CFAP92: variants seen among roughly 807,000 people sequenced by gnomAD.
The protein encoded by CFAP92 is uncharacterized protein CFAP92.
Under a neutral mutation model 106.3 loss-of-function variants are expected in CFAP92, and 86 were observed. The ratio of observed to expected loss-of-function variants is 0.81; its 90% confidence interval spans 0.68 to 0.97. The LOEUF (loss-of-function observed/expected upper bound fraction) is 0.97. CFAP92 is among the 50% of genes least tolerant of loss of function. The pLI, the probability that CFAP92 is intolerant of heterozygous loss-of-function variation, is 0.00. For missense variants in CFAP92, 1,204 were observed against 1,283.8 expected (o/e 0.94, Z 0.95); for synonymous variants, 477 against 506.4 (o/e 0.94, Z 0.78).
intron 9 of CFAP92, among the ~76,000 whole-genome samples, chr3:128,957,881 C>T (rs1941567570): frequency 6.6e-6 from 1 of 152,120 alleles, no homozygotes; most frequent in Non-Finnish European, 1.5e-5. Flanking sequence ...TGTTCTGAGG[C>T]TAGAAGTCAG....
upstream of CFAP92, chr3:129,003,160 G>A (rs917530842): frequency 4.4e-6 from 4 of 916,422 alleles, no homozygotes; most frequent in Non-Finnish European, 5.2e-6. Flanking sequence ...GCAAGGTGTG[G>A]TTTTCAGTGT....
chr3:128,956,452 T>C (rs956830547), intron 9 of CFAP92, among the ~76,000 whole-genome samples: 3 of 151,992 alleles, frequency 2.0e-5, no homozygotes, highest in Non-Finnish European at 4.4e-5. Flanking sequence ...CATAAGCCTA[T>C]AGATTCAAAG....
At chr3:128,912,836 G>T (rs1441341437) in intron 15 of CFAP92, 9 of 689,820 alleles carry the variant, frequency 1.3e-5, no homozygotes, top group South Asian at 1.2e-4. Context: ...GCCGGAGAGA[G>T]AGAATGGAAT....
the CFAP92 span, among the ~76,000 whole-genome samples, chr3:129,008,311 T>C: frequency 2.6e-4 from 39 of 152,202 alleles, no homozygotes; most frequent in Non-Finnish European, 4.9e-4. Flanking sequence ...CTATGCAAGG[T>C]CTCCTGTCCC....
At chr3:128,975,675 T>C (rs1943108016) in intron 7 of CFAP92, 104 bp downstream of exon 7, 1 of 1,013,796 alleles carries the variant, frequency 9.9e-7, no homozygotes, top group Non-Finnish European at 1.4e-6. Flanking sequence ...AAACATTTTG[T>C]CAAATATGCA....
At chr3:128,977,104 C>T in intron 5 of CFAP92, 38 bp from the exon 6 acceptor site, 1 of 1,546,216 alleles carries the variant, frequency 6.5e-7, no homozygotes, top group Non-Finnish European at 8.9e-7. Flanking sequence ...CTTTTTGTTA[C>T]ATGCTAGTTC....
chr3:128,989,974 A>G (rs769402633), intron 2 of CFAP92, among the ~76,000 whole-genome samples: 60 of 152,202 alleles, frequency 3.9e-4, no homozygotes, highest in Non-Finnish European at 7.3e-4. Flanking sequence ...TCTATCAAAA[A>G]CTATTAATAC....
chr3:128,982,340 G>T (rs1238356957), intron 4 of CFAP92, among the ~76,000 whole-genome samples: 1 of 152,210 alleles, frequency 6.6e-6, no homozygotes, highest in Admixed American at 6.5e-5. Flanking sequence ...TAGCTTCAAA[G>T]TTGTCTTTTG....
upstream of CFAP92, among the ~76,000 whole-genome samples, chr3:129,007,655 T>A (rs373177653): frequency 3.9e-5 from 6 of 152,238 alleles, no homozygotes; most frequent in East Asian, 7.7e-4. Context: ...ACCCTTGGGG[T>A]TGGGAGTGGT....
intron 2 of CFAP92, among the ~76,000 whole-genome samples, chr3:128,992,574 T>C (rs761135601): frequency 1.3e-5 from 2 of 150,294 alleles, no homozygotes; most frequent in Admixed American, 1.3e-4. Context: ...AAAAAAAGAA[T>C]TATTATTTTT....
chr3:128,991,469 G>A (rs1398291401), intron 2 of CFAP92: 1 of 153,878 alleles, frequency 6.5e-6, no homozygotes, highest in African/African-American at 2.4e-5. Context: ...CAAGGCGTAA[G>A]GTCACTTACG....
the CFAP92 span, among the ~76,000 whole-genome samples, chr3:129,010,751 G>A: frequency 3.3e-5 from 5 of 152,174 alleles, no homozygotes; most frequent in Non-Finnish European, 5.9e-5. This position sits in a 1 kb window ranked among gnomAD's most constrained non-coding sequence, Gnocchi z 4.3. Flanking sequence ...GGATTCCATC[G>A]TCCTTGGAGG....
At chr3:128,989,709 C>G (rs1472443348) in intron 2 of CFAP92, among the ~76,000 whole-genome samples, 1 of 152,212 alleles carries the variant, frequency 6.6e-6, no homozygotes, top group African/African-American at 2.4e-5. Flanking sequence ...AAAAACATGA[C>G]TGTCTTTAAA....
the CFAP92 span, among the ~76,000 whole-genome samples, chr3:129,020,850 C>G: frequency 6.6e-6 from 1 of 152,142 alleles, no homozygotes; most frequent in African/African-American, 2.4e-5. Context: ...GGACACCACC[C>G]TTCTGAAGGC....
chr3:129,001,784 C>T, intron 1 of CFAP92: 1 of 1,543,712 alleles, frequency 6.5e-7, no homozygotes, highest in Non-Finnish European at 8.7e-7. Context: ...TGGTGCTGGC[C>T]ACCGGCCTGG....
intron 4 of CFAP92, among the ~76,000 whole-genome samples, chr3:128,979,759 G>A (rs1469327077): frequency 6.6e-6 from 1 of 150,434 alleles, no homozygotes. Context: ...AGAACACTTG[G>A]ACCCAAGAAG....
chr3:128,911,172 C>T (rs1241578617), intron 15 of CFAP92, among the ~76,000 whole-genome samples: 3 of 151,472 alleles, frequency 2.0e-5, no homozygotes, highest in African/African-American at 7.3e-5. Context: ...TTCTTCTGCC[C>T]CAGCCTCCCG....
Position 128,971,410 on chromosome 3 carries a change from T to C in CFAP92, c.1045A>G (p.Arg349Gly), listed in dbSNP as rs1005079911. Reference sequence around the variant, plus strand: ...TTATGTCTCCTCTGGATTTTCCTTCTTCCCTCTGAATCTTTCCCTTTAACT... The same window carrying C: ...TTATGTCTCCTCTGGATTTTCCTTCCTCCCTCTGAATCTTTCCCTTTAACT... ...SQIKGKDSEG[R>G]RKIQRRHKKP... The change falls in exon 8 of 16, where the codon AGA becomes GGA. Residue 349 changes from arginine to glycine, a missense_variant. Transcript: ENST00000645291. 1.2e-6 allele frequency: 2 copies of C among 1,611,138 alleles called. No individual in the cohort carries two copies. The highest frequency in any genetic ancestry group is 2.7e-5 in the African/African-American group (2 of 74,768).
At chr3:128,913,135 A>C (rs1936533290) in intron 15 of CFAP92, 1 of 435,422 alleles carries the variant, frequency 2.3e-6, no homozygotes, top group South Asian at 1.6e-5. Flanking sequence ...TACTTGTCAC[A>C]CTGTTCCTTA....
Sources: gnomAD v4.1 joint callset for allele counts (sites outside exome capture counted in the v4.1 genomes callset) on GRCh38, gnomAD v4.1.1 for gene constraint, Gnocchi (gnomAD v3.1) non-coding constraint, MANE v1.5 for transcripts, NCBI Gene and HGNC (gene_info 2026-07-23, HGNC 2026-07-21) for gene names.